Variants in KLF12 observed in about 807,000 individuals in gnomAD.
The protein encoded by KLF12 is KLF transcription factor 12.
In KLF12, 9 loss-of-function variants were observed where a neutral mutation model predicts 37.8. That is an observed-to-expected ratio of 0.24 (90% confidence interval 0.14 to 0.42). The LOEUF (loss-of-function observed/expected upper bound fraction) is 0.42, where lower values mean the gene tolerates loss of function less well. Ranked by LOEUF, KLF12 falls within the 10% of genes least tolerant of loss-of-function variation. The pLI is 1.00. For missense variants in KLF12, 411 were observed against 516.0 expected, an observed-to-expected ratio of 0.80 and a Z score of 1.97; for synonymous variants, 208 against 202.1, an observed-to-expected ratio of 1.03 and a Z score of -0.25.
intron 3 of KLF12, among the ~76,000 whole-genome samples, chr13:73,933,758 T>C (rs1889793090): frequency 6.6e-6 from 1 of 152,166 alleles, no homozygotes; most frequent in Non-Finnish European, 1.5e-5. Context: ...CCTTAGCCAG[T>C]TTAGTAATCC....
chr13:73,986,059 G>A (rs530216761), intron 2 of KLF12, among the ~76,000 whole-genome samples: 3 of 152,236 alleles, frequency 2.0e-5, no homozygotes, highest in South Asian at 2.1e-4. Flanking sequence ...AGCTTTTAAC[G>A]AGATAACCAA....
chr13:74,021,981 T>C (rs752817228), intron 1 of KLF12, among the ~76,000 whole-genome samples: 12 of 152,196 alleles, frequency 7.9e-5, no homozygotes, highest in Non-Finnish European at 1.6e-4. Flanking sequence ...AGGAGGGTAG[T>C]AAAGCATGTG....
intron 1 of KLF12, among the ~76,000 whole-genome samples, chr13:74,131,416 C>G (rs986130902): frequency 1.3e-5 from 2 of 152,152 alleles, no homozygotes; most frequent in African/African-American, 4.8e-5. Context: ...CAGACCTTCC[C>G]TTTCAGCACA....
rs906024420 is a variant in KLF12, at chr13:73,691,471, G to C, written c.*4019C>G. On this transcript the variant is annotated 3_prime_UTR_variant, in exon 8 of 8. Coordinates refer to ENST00000377669, the MANE Select transcript of KLF12 (RefSeq NM_007249.5). ...TGGATTATGAACTATGAATATTAAG[G>C]CTTTCTGGGCCTATTATGATTCATA... The C allele has an allele frequency of 7.2e-5, 11 of 152,576 alleles. No individual in the cohort carries two copies. The highest frequency in any genetic ancestry group is 2.7e-4 in the African/African-American group (11 of 41,442). The allele number at this position is 152,576 out of a possible 1,614,324, so 9.5% of individuals were successfully genotyped here. A position where few individuals can be genotyped will look rare whatever the true frequency, so the allele number is the denominator to read the frequency against.
the KLF12 span, among the ~76,000 whole-genome samples, chr13:74,180,643 A>G: frequency 6.6e-6 from 1 of 152,248 alleles, no homozygotes; most frequent in Non-Finnish European, 1.5e-5. Context: ...CTTTAAGAAG[A>G]ATGTACCAAC....
chr13:74,185,414 C>T, the KLF12 span, among the ~76,000 whole-genome samples: 1 of 152,052 alleles, frequency 6.6e-6, no homozygotes, highest in Non-Finnish European at 1.5e-5. Context: ...CTATTTCAGT[C>T]GGTCATCAAT....
At chr13:73,906,314 CT>C (rs1333258698) in intron 3 of KLF12, among the ~76,000 whole-genome samples, 2 of 152,062 alleles carry the variant, frequency 1.3e-5, no homozygotes, top group Non-Finnish European at 2.9e-5. Flanking sequence ...ATTGACTCTC[CT>C]TTTTCTCCTG....
intron 2 of KLF12, among the ~76,000 whole-genome samples, chr13:73,958,815 T>A (rs1890928606): frequency 6.6e-6 from 1 of 152,066 alleles, no homozygotes; most frequent in Non-Finnish European, 1.5e-5. Context: ...CTTTCCTTTA[T>A]CACCCAGAAG....
At chr13:73,759,772 T>A (rs1372316946) in intron 6 of KLF12, among the ~76,000 whole-genome samples, 2 of 152,156 alleles carry the variant, frequency 1.3e-5, no homozygotes, top group Admixed American at 6.5e-5. Flanking sequence ...TTGATGATGC[T>A]TGCATTTCCT....
chr13:73,757,586 A>C (rs1879259010), intron 6 of KLF12, among the ~76,000 whole-genome samples: 1 of 152,164 alleles, frequency 6.6e-6, no homozygotes, highest in African/African-American at 2.4e-5. Context: ...TGTAGCTAGA[A>C]AGATGACATT....
intron 6 of KLF12, among the ~76,000 whole-genome samples, chr13:73,746,423 T>A (rs950367125): frequency 6.6e-6 from 1 of 152,230 alleles, no homozygotes; most frequent in Non-Finnish European, 1.5e-5. Context: ...ATAACTTTAC[T>A]AACTCATTCA....
the KLF12 span, among the ~76,000 whole-genome samples, chr13:74,242,296 T>A: frequency 1.3e-5 from 2 of 152,270 alleles, no homozygotes; most frequent in South Asian, 4.1e-4. Context: ...TATTAATTCA[T>A]AAAGAAAAAG....
chr13:74,242,784 C>G, the KLF12 span, among the ~76,000 whole-genome samples: 8 of 152,134 alleles, frequency 5.3e-5, no homozygotes, highest in African/African-American at 1.9e-4. Context: ...TTAAGAAGCT[C>G]ACAGTCTAAA....
chr13:74,131,650 G>T (rs1022328134), intron 1 of KLF12, among the ~76,000 whole-genome samples: 6 of 152,156 alleles, frequency 3.9e-5, no homozygotes, highest in Admixed American at 6.5e-5. Flanking sequence ...TGACTGCATT[G>T]CTAAGTAGTA....
At chr13:73,866,528 C>A (rs775010071) in intron 3 of KLF12, among the ~76,000 whole-genome samples, 12 of 151,936 alleles carry the variant, frequency 7.9e-5, no homozygotes, top group Admixed American at 2.0e-4. Context: ...TACTTCTCAA[C>A]AAAATGACAG....
chr13:73,724,758 T>G (rs1566321168), intron 6 of KLF12, among the ~76,000 whole-genome samples: 1 of 152,152 alleles, frequency 6.6e-6, no homozygotes, highest in Non-Finnish European at 1.5e-5. Flanking sequence ...TCAGAAAGAT[T>G]AGACTAATTA....
intron 3 of KLF12, among the ~76,000 whole-genome samples, chr13:73,856,394 T>C (rs11839544): frequency 7.4e-4 from 112 of 152,326 alleles, no homozygotes; most frequent in African/African-American, 2.6e-3. Flanking sequence ...ACCAATATTA[T>C]GCTACAAGAT....
chr13:73,925,505 A>G (rs981723316), intron 3 of KLF12, among the ~76,000 whole-genome samples: 2 of 152,178 alleles, frequency 1.3e-5, no homozygotes, highest in Non-Finnish European at 2.9e-5. Flanking sequence ...CTTGCAAAAT[A>G]TTACTTTGAC....
At chr13:74,125,681 G>A (rs1269160910) in intron 1 of KLF12, among the ~76,000 whole-genome samples, 1 of 152,040 alleles carries the variant, frequency 6.6e-6, no homozygotes, top group Non-Finnish European at 1.5e-5. Context: ...TTTTGGATAA[G>A]GTATCATAAT....
Sources: allele counts gnomAD v4.1 joint callset (sites outside exome capture counted in the v4.1 genomes callset), GRCh38; gene constraint gnomAD v4.1.1; transcripts MANE v1.5; gene names NCBI Gene and HGNC (gene_info 2026-07-23, HGNC 2026-07-21).